The following MAF variants were observed in gnomAD, a reference collection of about 807,000 sequenced individuals.
MAF encodes the protein transcription factor Maf.
A neutral mutation model predicts 22.0 loss-of-function variants in MAF; 10 were observed. The observed-to-expected ratio is 0.45, with a 90% confidence interval of 0.28 to 0.77. The LOEUF is 0.77. Among genes scored for constraint, MAF ranks in the 30% least tolerant of loss-of-function variants. The pLI is 0.12. For missense variants in MAF, 544 were observed against 548.4 expected, an observed-to-expected ratio of 0.99 and a Z score of 0.08; for synonymous variants, 337 against 255.8, an observed-to-expected ratio of 1.32 and a Z score of -3.03.
chr16:79,448,411 T>C, the MAF span, among the ~76,000 whole-genome samples: 1 of 151,552 alleles, frequency 6.6e-6, no homozygotes, highest in East Asian at 1.9e-4. Flanking sequence ...GAAGCATTTT[T>C]GTTTTGTTTT....
chr16:79,526,451 T>A, the MAF span, among the ~76,000 whole-genome samples: 1 of 152,210 alleles, frequency 6.6e-6, no homozygotes, highest in African/African-American at 2.4e-5. Flanking sequence ...GAAGCTTTGC[T>A]GCTGCTTACT....
chr16:79,258,650 G>A, the MAF span, among the ~76,000 whole-genome samples: 1 of 152,170 alleles, frequency 6.6e-6, no homozygotes, highest in East Asian at 1.9e-4. Context: ...AGGAACAAGG[G>A]GCCACCTGCC....
At chr16:79,209,560 C>T in the MAF span, among the ~76,000 whole-genome samples, 1 of 152,178 alleles carries the variant, frequency 6.6e-6, no homozygotes, top group Non-Finnish European at 1.5e-5. Flanking sequence ...TCTCCCACCA[C>T]TCGGGAGTTA....
chr16:79,226,339 C>G, the MAF span, among the ~76,000 whole-genome samples: 1 of 151,876 alleles, frequency 6.6e-6, no homozygotes, highest in Non-Finnish European at 1.5e-5. Flanking sequence ...TGAGAACACA[C>G]GGACAAGGGA....
At chr16:79,363,290 G>A in the MAF span, among the ~76,000 whole-genome samples, 2 of 152,126 alleles carry the variant, frequency 1.3e-5, no homozygotes, top group Admixed American at 6.5e-5. Flanking sequence ...TTACAATGGG[G>A]TTATGTCCTG....
At chr16:79,357,827 G>A in the MAF span, among the ~76,000 whole-genome samples, 1 of 152,160 alleles carries the variant, frequency 6.6e-6, no homozygotes, top group Non-Finnish European at 1.5e-5. Flanking sequence ...GACATCTGAG[G>A]TCCTCCATGT....
chr16:79,259,641 C>G, the MAF span, among the ~76,000 whole-genome samples: 6 of 152,100 alleles, frequency 3.9e-5, no homozygotes, highest in Non-Finnish European at 8.8e-5. Flanking sequence ...AACACAGGCT[C>G]TTGGTTGCAT....
chr16:79,367,011 G>C, the MAF span, among the ~76,000 whole-genome samples: 1 of 152,142 alleles, frequency 6.6e-6, no homozygotes, highest in African/African-American at 2.4e-5. Context: ...TCATGAAAAT[G>C]CTTTGAAAAA....
the MAF span, chr16:79,505,737 T>C: frequency 6.6e-6 from 1 of 152,230 alleles, no homozygotes; most frequent in East Asian, 1.9e-4. Flanking sequence ...ACATCTTGCA[T>C]TCCTGTGGCC....
the MAF span, among the ~76,000 whole-genome samples, chr16:79,370,265 T>G: frequency 1.3e-5 from 2 of 152,170 alleles, no homozygotes; most frequent in Non-Finnish European, 2.9e-5. Flanking sequence ...ATTCTTTGGG[T>G]TGAGACTGGA....
the MAF span, among the ~76,000 whole-genome samples, chr16:79,429,774 A>G: frequency 1.3e-5 from 2 of 152,128 alleles, no homozygotes; most frequent in Admixed American, 6.6e-5. Flanking sequence ...AATCCTATCC[A>G]GACAGTTTAT....
the MAF span, among the ~76,000 whole-genome samples, chr16:79,243,738 C>T: frequency 2.0e-5 from 3 of 152,114 alleles, no homozygotes; most frequent in African/African-American, 7.2e-5. Context: ...CATCCTGATA[C>T]CAAAACCTGG....
the MAF span, among the ~76,000 whole-genome samples, chr16:79,342,291 G>A: frequency 1.3e-5 from 2 of 152,154 alleles, no homozygotes; most frequent in East Asian, 3.9e-4. Flanking sequence ...TGCCAAGAAA[G>A]AGGGCCCTCG....
intron 1 of MAF, chr16:79,597,946 G>A: frequency 9.6e-7 from 1 of 1,042,140 alleles, no homozygotes; most frequent in South Asian, 4.6e-5. Context: ...CTCAGATTTG[G>A]CATCACAAGG....
the MAF span, among the ~76,000 whole-genome samples, chr16:79,354,323 G>C: frequency 6.6e-6 from 1 of 152,116 alleles, no homozygotes; most frequent in Admixed American, 6.6e-5. Flanking sequence ...TGGAAGGTCA[G>C]GGATGCAACA....
chr16:79,561,240 T>G, the MAF span, among the ~76,000 whole-genome samples: 4 of 151,140 alleles, frequency 2.6e-5, no homozygotes, highest in South Asian at 8.4e-4. Flanking sequence ...TGGTGTATTT[T>G]AAACATTTTT....
the MAF span, among the ~76,000 whole-genome samples, chr16:79,549,138 A>T: frequency 6.6e-6 from 1 of 152,234 alleles, no homozygotes; most frequent in Admixed American, 6.5e-5. Context: ...GCATACATAT[A>T]GTTAATGGGA....
chr16:79,320,145 G>C, the MAF span, among the ~76,000 whole-genome samples: 2 of 152,150 alleles, frequency 1.3e-5, no homozygotes, highest in Non-Finnish European at 1.5e-5. Context: ...ATGTCCAGGA[G>C]AGTTTGGTGC....
At chr16:79,541,522 C>G in the MAF span, among the ~76,000 whole-genome samples, 1 of 152,032 alleles carries the variant, frequency 6.6e-6, no homozygotes, top group African/African-American at 2.4e-5. Flanking sequence ...GAGCTGTTCT[C>G]CTTTTAAGGA....
Sources: allele counts gnomAD v4.1 joint callset (sites outside exome capture counted in the v4.1 genomes callset), GRCh38; gene constraint gnomAD v4.1.1; transcripts MANE v1.5; gene names NCBI Gene and HGNC (gene_info 2026-07-23, HGNC 2026-07-21).